Variants in FAM117B observed in about 807,000 individuals in gnomAD.
FAM117B encodes protein FAM117B.
In FAM117B, 22 loss-of-function variants were observed where a neutral mutation model predicts 52.8. That is an observed-to-expected ratio of 0.42 (90% confidence interval 0.30 to 0.59). The LOEUF is 0.59. Among genes scored for constraint, FAM117B ranks in the 20% least tolerant of loss-of-function variants. The pLI, the probability that FAM117B is intolerant of heterozygous loss-of-function variation, is 0.22. For synonymous variants in FAM117B, 309 were observed against 324.1 expected (o/e 0.95, Z 0.50); for missense variants, 678 against 802.6 (o/e 0.84, Z 1.88).
intron 4 of FAM117B, among the ~76,000 whole-genome samples, chr2:202,741,599 C>G (rs913800233): frequency 6.6e-6 from 1 of 150,808 alleles, no homozygotes; most frequent in Non-Finnish European, 1.5e-5. Context: ...TGCAGTGGCG[C>G]GATCTCGGCT....
intron 1 of FAM117B, among the ~76,000 whole-genome samples, chr2:202,663,086 C>T (rs997554247): frequency 1.3e-5 from 2 of 152,228 alleles, no homozygotes; most frequent in Non-Finnish European, 2.9e-5. Context: ...GCTCTTTCCA[C>T]TTAAAATATT....
At chr2:202,671,752 G>A (rs574167452) in intron 1 of FAM117B, among the ~76,000 whole-genome samples, 1 of 152,112 alleles carries the variant, frequency 6.6e-6, no homozygotes, top group Non-Finnish European at 1.5e-5. Context: ...TAACCATGCC[G>A]CTCCCACGCT....
chr2:202,655,232 T>G (rs1337084173), intron 1 of FAM117B, among the ~76,000 whole-genome samples: 2 of 152,202 alleles, frequency 1.3e-5, no homozygotes, highest in African/African-American at 2.4e-5. Context: ...TGAGTAGTGT[T>G]GCATTATATG....
intron 1 of FAM117B, among the ~76,000 whole-genome samples, chr2:202,664,679 C>G (rs1344340359): frequency 6.6e-6 from 1 of 152,126 alleles, no homozygotes; most frequent in Non-Finnish European, 1.5e-5. Context: ...AGTTCGTTAT[C>G]ATGCATGACT....
intron 1 of FAM117B, among the ~76,000 whole-genome samples, chr2:202,678,999 CCTCT>C (rs1313960278): frequency 2.6e-5 from 4 of 152,156 alleles, no homozygotes; most frequent in Non-Finnish European, 5.9e-5. Context: ...GACTCTTTTT[CCTCT>C]CTATCTGCCT....
At chr2:202,727,918 A>G (rs1280389229) in intron 4 of FAM117B, among the ~76,000 whole-genome samples, 1 of 152,180 alleles carries the variant, frequency 6.6e-6, no homozygotes, top group Non-Finnish European at 1.5e-5. Flanking sequence ...ACTTTTTCAA[A>G]CTGATTTTGC....
At chr2:202,702,193 C>T (rs561457517) in intron 2 of FAM117B, among the ~76,000 whole-genome samples, 1 of 152,204 alleles carries the variant, frequency 6.6e-6, no homozygotes, top group African/African-American at 2.4e-5. Flanking sequence ...GAGTTCGAGA[C>T]CAGCCGGACC....
rs1443227322 is a variant in FAM117B at position 202,740,173 on chromosome 2, CCAAAAAAAAAA to C, written c.960+13811_960+13821del. 9.0e-3 allele frequency among the ~76,000 whole-genome samples: 627 copies of C among 69,722 alleles called. 10 individuals are homozygous for C. Among genetic ancestry groups the C allele is most frequent in the African/African-American group, 0.033 (569 of 17,504 alleles). 45.7% of individuals were successfully genotyped at this position (69,722 alleles called of 152,430 possible). On this transcript the variant is annotated intron_variant, in intron 4 of 7. Transcript: ENST00000392238. ...GGAGGACAGAGCGAGACTTCATCCC[CCAAAAAAAAAA>C]AAAAAAAAAAAAAAAAAATCCCCAA...
intron 1 of FAM117B, among the ~76,000 whole-genome samples, chr2:202,656,856 A>T (rs1383662071): frequency 2.0e-5 from 3 of 151,898 alleles, no homozygotes; most frequent in African/African-American, 7.2e-5. Context: ...TTGAAGCTTT[A>T]AAAAAAAGTC....
intron 1 of FAM117B, among the ~76,000 whole-genome samples, chr2:202,670,276 T>C (rs1046414059): frequency 4.0e-5 from 6 of 151,538 alleles, no homozygotes; most frequent in African/African-American, 1.5e-4. Flanking sequence ...TACTTTCTTT[T>C]TTCTTTTCTT....
chr2:202,677,068 T>C (rs915315212), intron 1 of FAM117B, among the ~76,000 whole-genome samples: 1 of 151,416 alleles, frequency 6.6e-6, no homozygotes, highest in African/African-American at 2.4e-5. Context: ...CTTTTCTTTT[T>C]TTTTTTTTTT....
chr2:202,682,991 A>T lies in FAM117B; in HGVS notation c.602-12890A>T, dbSNP rs189192447. On this transcript the variant is annotated intron_variant, in intron 1 of 7. Coordinates refer to ENST00000392238, the MANE Select transcript of FAM117B (RefSeq NM_173511.4). ...AAGAGAACTAATTAAACCCAAAGTAAGTAGACAAAAGGAAATCATAAAGGT... is the reference window on the plus strand; with the variant it reads ...AAGAGAACTAATTAAACCCAAAGTATGTAGACAAAAGGAAATCATAAAGGT... Among the ~76,000 whole-genome samples the T allele has an allele frequency of 4.2e-3, 645 of 152,354 alleles. 2 individuals are homozygous for T. Among genetic ancestry groups the T allele is most frequent in the Non-Finnish European group, 7.3e-3 (500 of 68,040 alleles).
rs560002325 is a variant in FAM117B at position 202,681,852 on chromosome 2, C to A, written c.602-14029C>A. ...CTGAAAAAGCCTGGTACTATATGGC[C>A]CAGTGTGAGAACTGACATCCCTGTT... On this transcript the variant is annotated intron_variant, in intron 1 of 7. Transcript: ENST00000392238. Among the ~76,000 whole-genome samples, 18 of 152,316 alleles carry A rather than the reference C, an allele frequency of 1.2e-4. 1 individual carries two copies. Among genetic ancestry groups the A allele is most frequent in the Middle Eastern group, 3.4e-3 (1 of 294 alleles).
At chr2:202,644,064 G>GTTTTTTTTTTTTTTTTTTTTTTT (rs1161026426) in intron 1 of FAM117B, among the ~76,000 whole-genome samples, 27 of 95,146 alleles carry the variant, frequency 2.8e-4, no homozygotes, top group African/African-American at 6.7e-4. Flanking sequence ...TTTTTTTTTT[G>GTTTTTTTTTTTTTTTTTTTTTTT]TTTTTTTTTT....
rs757843381 is a variant in FAM117B, at chr2:202,694,188, C to CTTTTTTTTTTTTTTTTTTTT, written c.602-1691_602-1672dup. On this transcript the variant is annotated intron_variant, in intron 1 of 7. Transcript: ENST00000392238. ...GAAGATGTTATTGCAAAACCCACTT[C>CTTTTTTTTTTTTTTTTTTTT]TTTTTTTTTTTTTTTTTTTTTGAGA... is the stretch of plus-strand genomic sequence containing the variant. 6.2e-4 allele frequency among the ~76,000 whole-genome samples: 61 copies of CTTTTTTTTTTTTTTTTTTTT among 99,060 alleles called. 5 individuals are homozygous for CTTTTTTTTTTTTTTTTTTTT. The highest frequency in any genetic ancestry group is 2.4e-3 in the African/African-American group (56 of 22,864). The allele number at this position is 99,060 out of a possible 152,430, so 65.0% of individuals were successfully genotyped here.
Position 202,766,032 on chromosome 2 carries a change from G to A in FAM117B, c.*268G>A, listed in dbSNP as rs1008009879. 2.3e-5 allele frequency: 8 copies of A among 350,628 alleles called. No individual in the cohort carries two copies. Among genetic ancestry groups the A allele is most frequent in the South Asian group, 1.0e-4 (3 of 28,900 alleles). 21.7% of individuals were successfully genotyped at this position (350,628 alleles called of 1,614,324 possible). A position where few individuals can be genotyped will look rare whatever the true frequency, so the allele number is the denominator to read the frequency against. ...TTTACCTTTGGAGAGACAATATCAC[G>A]TTTTTGTTTTCGAATTAGACTTCTT... On this transcript the variant is annotated 3_prime_UTR_variant, in exon 8 of 8. Coordinates refer to ENST00000392238, the MANE Select transcript of FAM117B (RefSeq NM_173511.4).
intron 4 of FAM117B, among the ~76,000 whole-genome samples, chr2:202,734,933 TAATGA>T (rs1274588413): frequency 6.6e-6 from 1 of 152,246 alleles, no homozygotes; most frequent in African/African-American, 2.4e-5. Context: ...AGAATTTTTT[TAATGA>T]AATAGGAAAA....
At chr2:202,731,408 A>T in intron 4 of FAM117B, among the ~76,000 whole-genome samples, 1 of 141,486 alleles carries the variant, frequency 7.1e-6, no homozygotes, top group African/African-American at 2.5e-5. Context: ...AAAAATATAT[A>T]AACTTTTATT....
chr2:202,656,998 A>G (rs1260022526), intron 1 of FAM117B, among the ~76,000 whole-genome samples: 2 of 152,176 alleles, frequency 1.3e-5, no homozygotes, highest in African/African-American at 2.4e-5. Context: ...TATTTTTACT[A>G]TCCTTTCTAT....
Sources: allele counts gnomAD v4.1 joint callset (sites outside exome capture counted in the v4.1 genomes callset), GRCh38; gene constraint gnomAD v4.1.1; transcripts MANE v1.5; gene names NCBI Gene and HGNC (gene_info 2026-07-23, HGNC 2026-07-21).